Variants in RBFOX1 observed in about 807,000 individuals in gnomAD.
RBFOX1 encodes RNA binding protein fox-1 homolog 1.
A neutral mutation model predicts 57.7 loss-of-function variants in RBFOX1; 8 were observed. That is an observed-to-expected ratio of 0.14 (90% CI 0.08 to 0.25). The LOEUF (loss-of-function observed/expected upper bound fraction) is 0.25. Among genes scored for constraint, RBFOX1 ranks in the 10% least tolerant of loss-of-function variants. The probability of loss-of-function intolerance (pLI) is 1.00; values close to 1 mark genes in which losing one functional copy is unlikely to be tolerated. For synonymous variants in RBFOX1, 326 were observed against 222.4 expected (o/e 1.47, Z -4.15); for missense variants, 611 against 548.5 (o/e 1.11, Z -1.14).
chr16:6,311,295 CAAAAAAAAA>C (rs71145210), intron 1 of RBFOX1, among the ~76,000 whole-genome samples: 3 of 91,236 alleles, frequency 3.3e-5, no homozygotes, highest in African/African-American at 1.4e-4. Flanking sequence ...GACTCTGTCT[CAAAAAAAAA>C]AAAAAAAAAA....
chr16:6,157,749 A>G (rs2096848721), intron 1 of RBFOX1, among the ~76,000 whole-genome samples: 1 of 152,236 alleles, frequency 6.6e-6, no homozygotes, highest in South Asian at 2.1e-4. Flanking sequence ...GTATAGGTTT[A>G]AATAATTTAT....
Position 6,904,426 on chromosome 16 carries a change from C to T in RBFOX1, c.-15-147631C>T, listed in dbSNP as rs532221131. Among the ~76,000 whole-genome samples, 5 of 151,612 alleles carry T rather than the reference C, an allele frequency of 3.3e-5. No homozygotes were observed. The South Asian group carries it at 8.4e-4, about 25-fold the overall frequency. On this transcript the variant is annotated intron_variant, in intron 3 of 15. Transcript: ENST00000550418. ...GACCAGTCTGGCCAACATGGTGAAT[C>T]CTCCTGTCCACTGAAAGTACAAAAA...
intron 4 of RBFOX1, among the ~76,000 whole-genome samples, chr16:7,282,724 C>T (rs979911120): frequency 6.6e-6 from 1 of 152,170 alleles, no homozygotes; most frequent in African/African-American, 2.4e-5. Flanking sequence ...TTTTACCCCT[C>T]ACCTCCTTCC....
intron 1 of RBFOX1, among the ~76,000 whole-genome samples, chr16:5,302,092 A>G (rs955804470): frequency 1.3e-5 from 2 of 152,134 alleles, no homozygotes; most frequent in Non-Finnish European, 2.9e-5. Flanking sequence ...GTAAACATCT[A>G]GGCTAGTGCT....
intron 3 of RBFOX1, among the ~76,000 whole-genome samples, chr16:6,801,968 T>A (rs922269559): frequency 2.0e-5 from 3 of 152,076 alleles, no homozygotes; most frequent in African/African-American, 7.2e-5. Flanking sequence ...GGTGCTGGGG[T>A]GATTACCCTT....
At chr16:5,244,682 T>C (rs1172763539) in intron 1 of RBFOX1, among the ~76,000 whole-genome samples, 1 of 152,206 alleles carries the variant, frequency 6.6e-6, no homozygotes, top group Non-Finnish European at 1.5e-5. Flanking sequence ...CTCTTGTAAT[T>C]TGTGAGGCAG....
intron 3 of RBFOX1, among the ~76,000 whole-genome samples, chr16:5,772,979 G>C (rs932349839): frequency 3.3e-5 from 5 of 152,196 alleles, no homozygotes; most frequent in Non-Finnish European, 7.3e-5. Flanking sequence ...AGCATACCTG[G>C]TGTGTTCCAG....
chr16:5,511,107 G>C (rs1326954202), intron 2 of RBFOX1, among the ~76,000 whole-genome samples: 2 of 152,188 alleles, frequency 1.3e-5, no homozygotes, highest in African/African-American at 4.8e-5. Context: ...TTGCCAGATT[G>C]TCTTCAAAGG....
chr16:6,313,430 C>G (rs574948167), intron 1 of RBFOX1, among the ~76,000 whole-genome samples: 3 of 152,246 alleles, frequency 2.0e-5, no homozygotes, highest in Admixed American at 2.0e-4. Flanking sequence ...CTGGGGAAGT[C>G]TATGAAGCAG....
chr16:7,288,221 T>C (rs1437754939), intron 4 of RBFOX1, among the ~76,000 whole-genome samples: 1 of 152,210 alleles, frequency 6.6e-6, no homozygotes, highest in African/African-American at 2.4e-5. Flanking sequence ...TTCAATTTAA[T>C]TTCTGGAGAA....
At chr16:6,114,744 C>T (rs13332701) in intron 1 of RBFOX1, among the ~76,000 whole-genome samples, 39,377 of 151,874 alleles carry the variant, frequency 0.26, 6,287 homozygotes, top group African/African-American at 0.42. Flanking sequence ...GCAGGACGGG[C>T]AAGTCCAAAA....
chr16:7,525,392 G>T (rs553919169), intron 5 of RBFOX1, among the ~76,000 whole-genome samples: 1 of 152,208 alleles, frequency 6.6e-6, no homozygotes. Flanking sequence ...TTTACCATCA[G>T]GCTACAGTAC....
intron 2 of RBFOX1, among the ~76,000 whole-genome samples, chr16:5,487,164 T>C (rs1166275319): frequency 6.6e-6 from 1 of 152,220 alleles, no homozygotes; most frequent in Non-Finnish European, 1.5e-5. Flanking sequence ...TCCAAGCTCC[T>C]TGTGTTTTTC....
At chr16:6,657,537 T>G (rs1441222602) in intron 3 of RBFOX1, among the ~76,000 whole-genome samples, 1 of 152,000 alleles carries the variant, frequency 6.6e-6, no homozygotes, top group Non-Finnish European at 1.5e-5. Flanking sequence ...GTTCTGGGAG[T>G]GCACTCTGGT....
intron 3 of RBFOX1, among the ~76,000 whole-genome samples, chr16:6,851,958 G>A (rs553763321): frequency 2.0e-5 from 3 of 150,226 alleles, no homozygotes; most frequent in African/African-American, 7.4e-5. Flanking sequence ...TGAGATGGAG[G>A]TTCGTCGCCC....
intron 3 of RBFOX1, among the ~76,000 whole-genome samples, chr16:6,966,271 G>A (rs140754120): frequency 3.6e-3 from 554 of 152,218 alleles, no homozygotes; most frequent in Middle Eastern, 0.01. Context: ...TGAGCCTCCC[G>A]TTGACTGGGC....
At chr16:7,640,617 G>A (rs888926361) in intron 11 of RBFOX1, among the ~76,000 whole-genome samples, 9 of 152,212 alleles carry the variant, frequency 5.9e-5, no homozygotes, top group Non-Finnish European at 1.3e-4. Context: ...GCCGAGATGA[G>A]ATGTTTCAGA....
At chr16:7,417,530 G>GTGTGTGTGTT (rs369685124) in intron 4 of RBFOX1, among the ~76,000 whole-genome samples, 45,738 of 133,246 alleles carry the variant, frequency 0.34, 7,896 homozygotes, top group East Asian at 0.61. Context: ...ACATGGTATT[G>GTGTGTGTGTT]TGTGTGTGTG....
intron 4 of RBFOX1, among the ~76,000 whole-genome samples, chr16:5,908,656 C>T (rs143466345): frequency 6.6e-6 from 1 of 152,160 alleles, no homozygotes; most frequent in Non-Finnish European, 1.5e-5. Context: ...ATCCTCCCTA[C>T]TAGGGCCTAA....
Sources: allele counts gnomAD v4.1 joint callset (sites outside exome capture counted in the v4.1 genomes callset), GRCh38; gene constraint gnomAD v4.1.1; transcripts MANE v1.5; gene names NCBI Gene and HGNC (gene_info 2026-07-23, HGNC 2026-07-21).